The following KIFAP3 variants were observed in gnomAD, a reference collection of about 807,000 sequenced individuals.
KIFAP3 encodes the protein kinesin-associated protein 3.
Under a neutral mutation model 106.5 loss-of-function variants are expected in KIFAP3, and 68 were observed. The observed-to-expected ratio is 0.64, with a 90% confidence interval of 0.53 to 0.78. KIFAP3 has a LOEUF of 0.78. Among genes scored for constraint, KIFAP3 ranks in the 30% least tolerant of loss-of-function variants. KIFAP3 has a pLI of 0.00. For synonymous variants in KIFAP3, 320 were observed against 311.5 expected (o/e 1.03, Z -0.29); for missense variants, 780 against 941.8 (o/e 0.83, Z 2.25).
At chr1:169,962,136 T>A (rs1665372779) in intron 17 of KIFAP3, among the ~76,000 whole-genome samples, 1 of 151,928 alleles carries the variant, frequency 6.6e-6, no homozygotes, top group Admixed American at 6.6e-5. Flanking sequence ...AAAACAAATA[T>A]CAGAATTGAA....
At chr1:170,042,595 C>A (rs1670037072) in intron 3 of KIFAP3, among the ~76,000 whole-genome samples, 1 of 152,112 alleles carries the variant, frequency 6.6e-6, no homozygotes, top group South Asian at 2.1e-4. Context: ...TTTCTGTGTT[C>A]TTCATAAAGG....
intron 19 of KIFAP3, among the ~76,000 whole-genome samples, chr1:169,935,937 A>G (rs1038577076): frequency 2.0e-5 from 3 of 151,964 alleles, no homozygotes; most frequent in African/African-American, 7.2e-5. Context: ...TAGATTACCA[A>G]CTAATTTGGG....
At chr1:169,961,323 G>C (rs981240468) in intron 17 of KIFAP3, 88 bp from the exon 18 acceptor site, 1 of 1,001,652 alleles carries the variant, frequency 1.0e-6, no homozygotes, top group Non-Finnish European at 1.5e-6. Flanking sequence ...GAGAATTTTG[G>C]GGGCCCTTCA....
intron 19 of KIFAP3, among the ~76,000 whole-genome samples, chr1:169,926,704 CAT>C (rs1474200445): frequency 6.9e-6 from 1 of 145,004 alleles, no homozygotes; most frequent in Non-Finnish European, 1.5e-5. Context: ...CACACACACA[CAT>C]TCAAAATTTT....
chr1:170,038,597 T>G (rs1669810034), intron 4 of KIFAP3, among the ~76,000 whole-genome samples, 166 bp from the exon 5 acceptor site: 1 of 152,148 alleles, frequency 6.6e-6, no homozygotes, highest in African/African-American at 2.4e-5. Context: ...CCTTTAGACC[T>G]AGGACTCTAA....
intron 19 of KIFAP3, chr1:169,923,125 G>C: frequency 1.0e-6 from 1 of 983,854 alleles, no homozygotes; most frequent in Non-Finnish European, 1.2e-6. Flanking sequence ...TTTCAGGTTA[G>C]CATTTGTACT....
intron 17 of KIFAP3, among the ~76,000 whole-genome samples, chr1:169,972,015 T>C (rs1296706890): frequency 6.6e-6 from 1 of 151,982 alleles, no homozygotes; most frequent in Admixed American, 6.6e-5. Context: ...TCTAGTCATG[T>C]ATCCTTTAAA....
chr1:169,990,254 C>T, intron 11 of KIFAP3: 1 of 670,514 alleles, frequency 1.5e-6, no homozygotes, highest in Non-Finnish European at 2.3e-6. Flanking sequence ...TAGCATATAA[C>T]TTTACTTTAA....
intron 17 of KIFAP3, among the ~76,000 whole-genome samples, chr1:169,968,941 C>T (rs544124142): frequency 1.3e-5 from 2 of 151,732 alleles, no homozygotes; most frequent in East Asian, 1.9e-4. Flanking sequence ...CCTAAATGTC[C>T]GCCTTTTGGT....
At chr1:169,995,145 T>C (rs987425376) in intron 10 of KIFAP3, among the ~76,000 whole-genome samples, 6 of 152,220 alleles carry the variant, frequency 3.9e-5, no homozygotes, top group African/African-American at 9.6e-5. Flanking sequence ...ACAGACCACA[T>C]TTTTATACTG....
intron 19 of KIFAP3, among the ~76,000 whole-genome samples, chr1:169,952,187 GCTA>G (rs1270395460): frequency 6.6e-6 from 1 of 151,784 alleles, no homozygotes; most frequent in Non-Finnish European, 1.5e-5. Context: ...TTTTTAAAGG[GCTA>G]CTATTTATTT....
chr1:169,986,614 A>G (rs897485956), intron 11 of KIFAP3, among the ~76,000 whole-genome samples: 1 of 152,054 alleles, frequency 6.6e-6, no homozygotes, highest in African/African-American at 2.4e-5. Context: ...AATAAAAATT[A>G]AATTACAAAT....
intron 19 of KIFAP3, among the ~76,000 whole-genome samples, chr1:169,946,233 T>G (rs1431926447): frequency 8.1e-6 from 1 of 122,934 alleles, no homozygotes; most frequent in Non-Finnish European, 1.7e-5. Flanking sequence ...CTGGATTTAA[T>G]CTGTAGAGAA....
chr1:170,059,039 T>C (rs1052559795), intron 1 of KIFAP3, among the ~76,000 whole-genome samples: 3 of 152,166 alleles, frequency 2.0e-5, no homozygotes, highest in South Asian at 2.1e-4. Context: ...GGGAAATTTA[T>C]AGCACTAAAT....
At chr1:169,982,964 TA>T in intron 13 of KIFAP3, 97 bp from the exon 14 acceptor site, 1 of 718,680 alleles carries the variant, frequency 1.4e-6, no homozygotes, top group Non-Finnish European at 2.0e-6. Context: ...AAAGAAAAAG[TA>T]AATATCAAAT....
intron 11 of KIFAP3, among the ~76,000 whole-genome samples, chr1:169,987,723 T>C (rs2101922382): frequency 6.6e-6 from 1 of 152,210 alleles, no homozygotes; most frequent in East Asian, 1.9e-4. Context: ...ACTATGAAGA[T>C]TCTTGCACAC....
chr1:169,950,878 T>C (rs936140439), intron 19 of KIFAP3, among the ~76,000 whole-genome samples: 3 of 151,976 alleles, frequency 2.0e-5, no homozygotes, highest in African/African-American at 7.2e-5. Flanking sequence ...AAAATTATCA[T>C]ATTGAAATAT....
At chr1:169,988,290 T>C (rs1211148886) in intron 11 of KIFAP3, among the ~76,000 whole-genome samples, 1 of 152,068 alleles carries the variant, frequency 6.6e-6, no homozygotes, top group Non-Finnish European at 1.5e-5. Flanking sequence ...AAGATTTTAC[T>C]AAGAATATCT....
chr1:169,961,032 G>T lies in KIFAP3; in HGVS notation c.2173+14C>A. On this transcript the variant is annotated intron_variant, in intron 18 of 19. Coordinates refer to ENST00000361580, the MANE Select transcript of KIFAP3 (RefSeq NM_014970.4). ...AGCATATAATAAACTGTTTACTTTC[G>T]CTTTGGTTATCACCTGAGTTGTAGA... 6.2e-7 allele frequency: 1 copy of T among 1,602,748 alleles called. No individual in the cohort carries two copies. The highest frequency in any genetic ancestry group is 8.5e-7 in the Non-Finnish European group (1 of 1,173,752).
Sources: gnomAD v4.1 joint callset for allele counts (sites outside exome capture counted in the v4.1 genomes callset) on GRCh38, gnomAD v4.1.1 for gene constraint, MANE v1.5 for transcripts, NCBI Gene and HGNC (gene_info 2026-07-23, HGNC 2026-07-21) for gene names.